Variants in ZNF700 observed in about 807,000 individuals in gnomAD.
ZNF700 encodes zinc finger protein 700.
In ZNF700, 38 loss-of-function variants were observed where a neutral mutation model predicts 65.3. The ratio of observed to expected loss-of-function variants is 0.58; its 90% CI spans 0.45 to 0.76. ZNF700 has a LOEUF of 0.76. Among genes scored for constraint, ZNF700 ranks in the 30% least tolerant of loss-of-function variants. The pLI, the probability that ZNF700 is intolerant of heterozygous loss-of-function variation, is 0.00. For synonymous variants in ZNF700, 285 were observed against 290.4 expected, an observed-to-expected ratio of 0.98 and a Z score of 0.19; for missense variants, 857 against 888.4, an observed-to-expected ratio of 0.96 and a Z score of 0.45.
chr19:11,937,415 T>G (rs1972812491), intron 1 of ZNF700, among the ~76,000 whole-genome samples: 1 of 152,084 alleles, frequency 6.6e-6, no homozygotes, highest in African/African-American at 2.4e-5. Context: ...TGGGCTCAAA[T>G]GACCTGTCTG....
chr19:11,945,954 A>G (rs562408148), intron 1 of ZNF700, among the ~76,000 whole-genome samples: 3 of 152,208 alleles, frequency 2.0e-5, no homozygotes, highest in Admixed American at 1.3e-4. Flanking sequence ...CTTCGATTAT[A>G]TCAATAGTCT....
chr19:11,948,572 CA>C lies in ZNF700; in HGVS notation c.549del (p.Gln184LysfsTer31). 1 of 1,606,674 alleles carries C rather than the reference CA, an allele frequency of 6.2e-7. No homozygotes were observed. The highest frequency in any genetic ancestry group is 8.5e-7 in the Non-Finnish European group (1 of 1,178,418). ...KAFRYRPSIR[T>X]QERDHTGEKP... Reference sequence around the variant, plus strand: ...TTCAGGTATCGCCCATCCATTAGAACACAAGAAAGGGATCACACTGGAGAGA... The same window carrying C: ...TTCAGGTATCGCCCATCCATTAGAACCAAGAAAGGGATCACACTGGAGAGA... On this transcript the variant is annotated frameshift_variant, in exon 4 of 4. Coordinates refer to ENST00000254321, the MANE Select transcript of ZNF700 (RefSeq NM_144566.3). LOFTEE classifies it high-confidence loss of function.
Position 11,948,926 on chromosome 19 carries a change from T to C in ZNF700, c.902T>C (p.Met301Thr). The C allele has an allele frequency of 6.2e-7, 1 of 1,607,284 alleles. No individual in the cohort carries two copies. The highest frequency in any genetic ancestry group is 8.5e-7 in the Non-Finnish European group (1 of 1,178,522). ...SSYHRHERSH[M>T]GEKPYQCKEC... The stretch of plus-strand genomic sequence containing the variant: ...TATCATAGACATGAAAGAAGTCACA[T>C]GGGAGAGAAGCCTTATCAATGCAAA... Residue 301 changes from methionine to threonine, a missense_variant, in exon 4 of 4, where the codon ATG (methionine) becomes ACG (threonine). By Grantham distance (81) the Met-to-Thr change is moderately conservative (BLOSUM62 -1). This residue lies in a region of ZNF700 where 603 missense variants were observed against 619.9 expected (regional missense o/e 0.97). Coordinates refer to ENST00000254321, the MANE Select transcript of ZNF700 (RefSeq NM_144566.3).
chr19:11,939,642 G>A (rs765814802), intron 1 of ZNF700, among the ~76,000 whole-genome samples: 11 of 152,110 alleles, frequency 7.2e-5, no homozygotes, highest in Middle Eastern at 3.2e-3. Flanking sequence ...TGTATTTTTA[G>A]TAGAGATGGA....
intron 1 of ZNF700, among the ~76,000 whole-genome samples, chr19:11,934,179 A>T (rs1972755583): frequency 6.8e-6 from 1 of 146,624 alleles, no homozygotes; most frequent in African/African-American, 2.7e-5. Context: ...GACCTCATCT[A>T]TTTTTTTTTA....
chr19:11,927,420 A>G (rs977154664), intron 1 of ZNF700, among the ~76,000 whole-genome samples: 1 of 134,948 alleles, frequency 7.4e-6, no homozygotes, highest in African/African-American at 3.2e-5. Context: ...CCCTGTCTCT[A>G]TTTAAATAAA....
intron 1 of ZNF700, among the ~76,000 whole-genome samples, chr19:11,943,437 T>C (rs1440120756): frequency 6.6e-6 from 1 of 152,232 alleles, no homozygotes; most frequent in Non-Finnish European, 1.5e-5. Context: ...TGATTATTTC[T>C]AAGATAGCTT....
In ZNF700 at chr19:11,949,705, G is replaced by A. The variant is rs1973029816; in HGVS notation, c.1681G>A (p.Glu561Lys). Residue 561 changes from glutamate (E) to lysine (K), a missense_variant, in exon 4 of 4, where the codon GAG (glutamate) becomes AAG (lysine). By Grantham distance (56) the Glu-to-Lys change is moderately conservative. Around this residue, in one of 3 missense-constraint regions of ZNF700, gnomAD observed 251 missense variants for 250.3 expected, o/e 1.00. Transcript: ENST00000254321. ...ATATCATGAAAGGACTCACACTGGA[G>A]AGAAACCCTATGAGTGTAAGCAATG... ...LRYHERTHTGEKPYECKQCGK... is the reference protein window; with the variant it reads ...LRYHERTHTGKKPYECKQCGK... The A allele has an allele frequency of 2.5e-6, 4 of 1,613,758 alleles. No individual in the cohort carries two copies. Among genetic ancestry groups the A allele is most frequent in the Non-Finnish European group, 3.4e-6 (4 of 1,179,992 alleles).
At chr19:11,925,476 C>T (rs775936820) in intron 1 of ZNF700, among the ~76,000 whole-genome samples, 2 of 152,140 alleles carry the variant, frequency 1.3e-5, no homozygotes, top group African/African-American at 4.8e-5. Flanking sequence ...CTGTCCCGTC[C>T]CTGCGCGGCG....
At chr19:11,946,219 G>A (rs554207748) in intron 1 of ZNF700, among the ~76,000 whole-genome samples, 8 of 151,954 alleles carry the variant, frequency 5.3e-5, no homozygotes, top group Non-Finnish European at 7.4e-5. Flanking sequence ...GTCTTAGATC[G>A]TAAATGAGCT....
chr19:11,946,063 A>G (rs1362742568), intron 1 of ZNF700, among the ~76,000 whole-genome samples: 5 of 152,192 alleles, frequency 3.3e-5, no homozygotes, highest in Non-Finnish European at 5.9e-5. Context: ...CATCCTGACC[A>G]TGGGCTCGTT....
At chr19:11,947,826 C>T (rs1250346198) in intron 3 of ZNF700, among the ~76,000 whole-genome samples, 3 of 152,088 alleles carry the variant, frequency 2.0e-5, no homozygotes, top group African/African-American at 7.2e-5. Context: ...TGCAACATAA[C>T]GAGACCACAT....
chr19:11,949,360 T>C lies in ZNF700; in HGVS notation c.1336T>C (p.Tyr446His). ...HGGTHTGEKP[Y>H]ECKECGKAFR... ...TGGGACTCACACTGGAGAGAAACCCTATGAATGTAAGGAATGTGGGAAAGC... is the reference window on the plus strand; with the variant it reads ...TGGGACTCACACTGGAGAGAAACCCCATGAATGTAAGGAATGTGGGAAAGC... Residue 446 changes from tyrosine to histidine, a missense_variant, in exon 4 of 4, where the codon TAT becomes CAT. Tyr to His is a moderately conservative substitution (Grantham distance 83, BLOSUM62 2). Transcript: ENST00000254321. 1 of 1,613,772 alleles carries C rather than the reference T, an allele frequency of 6.2e-7. No individual in the cohort carries two copies. Among genetic ancestry groups the C allele is most frequent in the Non-Finnish European group, 8.5e-7 (1 of 1,179,930 alleles).
intron 1 of ZNF700, among the ~76,000 whole-genome samples, chr19:11,943,823 A>G (rs1311101431): frequency 6.6e-6 from 1 of 152,272 alleles, no homozygotes; most frequent in Non-Finnish European, 1.5e-5. Context: ...TAAGGAGAAT[A>G]AGTCCCATGA....
At chr19:11,940,911 G>C (rs1353760198) in intron 1 of ZNF700, among the ~76,000 whole-genome samples, 1 of 151,658 alleles carries the variant, frequency 6.6e-6, no homozygotes, top group South Asian at 2.1e-4. Context: ...ACAGAGTGTC[G>C]ATTGGTGCAT....
At chr19:11,933,865 T>A (rs1352187444) in intron 1 of ZNF700, among the ~76,000 whole-genome samples, 3 of 143,356 alleles carry the variant, frequency 2.1e-5, no homozygotes, top group African/African-American at 8.5e-5. Context: ...AAAAAAAAAA[T>A]TTGTTTTTGT....
Position 11,948,935 on chromosome 19 carries a change from A to G in ZNF700, c.911A>G (p.Lys304Arg), listed in dbSNP as rs770066763. 5 of 1,608,100 alleles carry G rather than the reference A, an allele frequency of 3.1e-6. No homozygotes were observed. The highest frequency in any genetic ancestry group is 4.2e-6 in the Non-Finnish European group (5 of 1,178,742). ...HRHERSHMGE[K>R]PYQCKECGKA... ...CATGAAAGAAGTCACATGGGAGAGA[A>G]GCCTTATCAATGCAAAGAATGTGGA... The change falls in exon 4 of 4, where the codon AAG becomes AGG. Residue 304 changes from lysine (K) to arginine (R), a missense_variant. By Grantham distance (26) the Lys-to-Arg change is conservative. Transcript: ENST00000254321.
Position 11,950,034 on chromosome 19 carries a change from C to T in ZNF700, c.2010C>T (p.His670=). The T allele has an allele frequency of 6.2e-7, 1 of 1,614,072 alleles. No individual in the cohort carries two copies. Among genetic ancestry groups the T allele is most frequent in the Non-Finnish European group, 8.5e-7 (1 of 1,179,992 alleles). ...CTTTTCAAATACATGAAAGGAAGCA[C>T]AGAGGAGAGAAGCCCTATGAATGTA... The part of the protein sequence containing the change: ...FSSFQIHERK[H]RGEKPYECKH... Residue 670 remains histidine, a synonymous_variant, in exon 4 of 4, where the codon CAC becomes CAT. Transcript: ENST00000254321.
In ZNF700 at chr19:11,950,061, G is replaced by A. The variant is rs756112602; in HGVS notation, c.2037G>A (p.Lys679=). 9 of 1,614,090 alleles carry A rather than the reference G, an allele frequency of 5.6e-6. No individual in the cohort carries two copies. In the Admixed American group the frequency reaches 1.3e-4, roughly 24 times the overall value. The change falls in exon 4 of 4, where the codon AAG becomes AAA. Residue 679 remains lysine (K), a synonymous_variant. Coordinates refer to ENST00000254321, the MANE Select transcript of ZNF700 (RefSeq NM_144566.3). Reference sequence around the variant, plus strand: ...GAGGAGAGAAGCCCTATGAATGTAAGCATTGTGGGAATGGATTCACATCTG... The same window carrying A: ...GAGGAGAGAAGCCCTATGAATGTAAACATTGTGGGAATGGATTCACATCTG... ...KHRGEKPYEC[K]HCGNGFTSAK...
Sources: gnomAD v4.1 joint callset for allele counts (sites outside exome capture counted in the v4.1 genomes callset) on GRCh38, gnomAD v4.1.1 for gene constraint, gnomAD v4.1.1 regional missense constraint, MANE v1.5 for transcripts, NCBI Gene and HGNC (gene_info 2026-07-23, HGNC 2026-07-21) for gene names.